HMMR: variants seen among roughly 807,000 people sequenced by gnomAD.
HMMR encodes hyaluronan mediated motility receptor, also known as intracellular hyaluronic acid-binding protein.
HMMR carries 108 observed loss-of-function variants against 101.0 expected under a neutral mutation model. That is an observed-to-expected ratio of 1.07 (90% CI 0.92 to 1.25). The LOEUF is 1.25. Ranked by LOEUF, HMMR falls within the 50% of genes most tolerant of loss-of-function variation. The pLI is 0.00. For missense variants in HMMR, 813 were observed against 788.7 expected, an observed-to-expected ratio of 1.03 and a Z score of -0.37; for synonymous variants, 296 against 276.4, an observed-to-expected ratio of 1.07 and a Z score of -0.70.
chr5:163,483,246 T>G lies in HMMR; in HGVS notation c.1686-22T>G, dbSNP rs148272255. On this transcript the variant is annotated intron_variant, in intron 14 of 17. Coordinates refer to ENST00000393915, the MANE Select transcript of HMMR (RefSeq NM_001142556.2). ...GATTTTTTAAATAACTATGTTTTTCTCAATTTAATTCTTCCATGCAGAAAA... is the reference window on the plus strand; with the variant it reads ...GATTTTTTAAATAACTATGTTTTTCGCAATTTAATTCTTCCATGCAGAAAA... 2.1e-4 allele frequency: 332 copies of G among 1,595,140 alleles called. No homozygotes were observed. In the African/African-American group the frequency reaches 4.2e-3, roughly 20 times the overall value.
chr5:163,489,276 A>G (rs949281904), intron 16 of HMMR: 1 of 152,266 alleles, frequency 6.6e-6, no homozygotes, highest in East Asian at 1.9e-4. Context: ...CGGGTTCCTA[A>G]CAGGCCTTGG....
chr5:163,490,792 A>G (rs993730519), intron 17 of HMMR, among the ~76,000 whole-genome samples: 1 of 152,148 alleles, frequency 6.6e-6, no homozygotes, highest in Non-Finnish European at 1.5e-5. Flanking sequence ...GAAGCTTTGC[A>G]TGACTATTTT....
intron 10 of HMMR, 137 bp downstream of exon 10, chr5:163,474,342 T>G (rs1327063888): frequency 1.5e-6 from 1 of 667,138 alleles, no homozygotes; most frequent in African/African-American, 1.8e-5. Context: ...GACATAATCA[T>G]GGATATGCTG....
chr5:163,480,440 A>G (rs558429476), intron 12 of HMMR, among the ~76,000 whole-genome samples: 1 of 152,264 alleles, frequency 6.6e-6, no homozygotes, highest in South Asian at 2.1e-4. Flanking sequence ...ATTTTATTGT[A>G]TGAATATACC....
rs3756648 is a variant in HMMR, at chr5:163,464,888, G to A, written c.225+86G>A. ...ATTGTATTTGATTAGAATGGGTTAA[G>A]TGTATGAATCAAGGTTATAAGTAAA... On this transcript the variant is annotated intron_variant, in intron 3 of 17. Transcript: ENST00000393915. 348,770 of 809,290 alleles carry A rather than the reference G, an allele frequency of 0.43. 78,685 individuals carry two copies. Among genetic ancestry groups the A allele is most frequent in the Non-Finnish European group, 0.49 (232,642 of 475,280 alleles). 50.1% of individuals were successfully genotyped at this position (809,290 alleles called of 1,614,324 possible).
intron 3 of HMMR, among the ~76,000 whole-genome samples, chr5:163,465,945 A>G (rs1457796187): frequency 7.0e-6 from 1 of 143,778 alleles, no homozygotes; most frequent in African/African-American, 2.7e-5. Context: ...TGGGCAACAG[A>G]GCGAGACTCA....
chr5:163,484,075 C>T lies in HMMR; in HGVS notation c.1792C>T (p.Leu598=), dbSNP rs1239446197. The change falls in exon 16 of 18, where the codon CTA becomes TTA. Residue 598 remains leucine (L), a synonymous_variant. Transcript: ENST00000393915. ...YNKTKPFQLQ[L]DAFEVEKQAL... is the part of the protein sequence containing the mutation. ...TTTAAAAAATCTTTTTCAGCTACAA[C>T]TAGATGCTTTTGAAGTAGAAAAACA... 1 of 1,582,718 alleles carries T rather than the reference C, an allele frequency of 6.3e-7. No individual in the cohort carries two copies. Among genetic ancestry groups the T allele is most frequent in the Admixed American group, 1.8e-5 (1 of 54,886 alleles).
At chr5:163,489,633 A>G (rs1465007685) in intron 16 of HMMR, among the ~76,000 whole-genome samples, 1 of 152,164 alleles carries the variant, frequency 6.6e-6, no homozygotes, top group African/African-American at 2.4e-5. Context: ...CTCATGAGCC[A>G]GAGAAAGAGT....
At chr5:163,484,825 A>G (rs1759417979) in intron 16 of HMMR, among the ~76,000 whole-genome samples, 1 of 151,884 alleles carries the variant, frequency 6.6e-6, no homozygotes, top group African/African-American at 2.4e-5. Flanking sequence ...GTCTCTGTTG[A>G]TTTCCCTATT....
chr5:163,473,204 G>T lies in HMMR; in HGVS notation c.676G>T (p.Asp226Tyr). ...TGTTTCAATAGAGAAAGAAAAGATT[G>T]ATGAAAAATCTGAAACAGAAAAACT... Reference protein sequence around the residue: ...KLVSIEKEKIDEKSETEKLLE... With the variant: ...KLVSIEKEKIYEKSETEKLLE... The change falls in exon 8 of 18, where the codon GAT becomes TAT. Residue 226 changes from aspartate (D) to tyrosine (Y), a missense_variant. Physicochemically the swap from Asp to Tyr is radical, Grantham distance 160 (BLOSUM62 -3). Transcript: ENST00000393915. The T allele has an allele frequency of 6.4e-7, 1 of 1,561,858 alleles. No homozygotes were observed. The highest frequency in any genetic ancestry group is 1.1e-5 in the South Asian group (1 of 89,176).
At chr5:163,485,913 C>T (rs1467327554) in intron 16 of HMMR, among the ~76,000 whole-genome samples, 1 of 152,172 alleles carries the variant, frequency 6.6e-6, no homozygotes, top group Middle Eastern at 3.2e-3. Flanking sequence ...ATATTCTTGC[C>T]TCCAGTTAAT....
rs745656167 is a variant in HMMR at position 163,478,793 on chromosome 5, T to C, written c.1378T>C (p.Phe460Leu). The C allele has an allele frequency of 2.5e-5, 40 of 1,574,280 alleles. 2 individuals are homozygous for C. The South Asian group carries it at 4.3e-4, about 17-fold the overall frequency. Residue 460 changes from phenylalanine to leucine, a missense_variant, in exon 12 of 18, where the codon TTT (phenylalanine) becomes CTT (leucine). Coordinates refer to ENST00000393915, the MANE Select transcript of HMMR (RefSeq NM_001142556.2). Reference sequence around the variant, plus strand: ...AAGCCTTGAAGATGTTACTGCTCAATTTGAAAGGTATTTTTCTTGGGAGCC... The same window carrying C: ...AAGCCTTGAAGATGTTACTGCTCAACTTGAAAGGTATTTTTCTTGGGAGCC... ...VQSLEDVTAQFESYKALTASE... is the reference protein window; with the variant it reads ...VQSLEDVTAQLESYKALTASE...
Position 163,473,220 on chromosome 5 carries a change from CAG to C in HMMR, c.694_695del (p.Glu232LysfsTer10), listed in dbSNP as rs1464913637. On this transcript the variant is annotated frameshift_variant, in exon 8 of 18. Coordinates refer to ENST00000393915, the MANE Select transcript of HMMR (RefSeq NM_001142556.2). LOFTEE classifies it high-confidence loss of function. Reference sequence around the variant, plus strand: ...GAAAAGATTGATGAAAAATCTGAAACAGAAAAACTCTTGGAATACATCGAAGA... The same window carrying C: ...GAAAAGATTGATGAAAAATCTGAAACAAAAACTCTTGGAATACATCGAAGA... 4 of 1,576,542 alleles carry C rather than the reference CAG, an allele frequency of 2.5e-6. No homozygotes were observed. Among genetic ancestry groups the C allele is most frequent in the African/African-American group, 2.7e-5 (2 of 73,814 alleles).
chr5:163,462,112 A>G (rs1758560264), intron 1 of HMMR, among the ~76,000 whole-genome samples: 1 of 152,182 alleles, frequency 6.6e-6, no homozygotes, highest in Non-Finnish European at 1.5e-5. Context: ...CTCAAGGACC[A>G]TATGATTTCC....
chr5:163,487,789 T>G (rs1561648219), intron 16 of HMMR, among the ~76,000 whole-genome samples: 1 of 151,696 alleles, frequency 6.6e-6, no homozygotes, highest in Non-Finnish European at 1.5e-5. Flanking sequence ...GTAATTTGAG[T>G]CTTTTTTTTT....
intron 8 of HMMR, 54 bp from the exon 9 acceptor site, chr5:163,473,325 A>AT (rs1346860086): frequency 1.3e-6 from 2 of 1,526,242 alleles, no homozygotes; most frequent in African/African-American, 2.8e-5. Context: ...TTTTTCTGTT[A>AT]TTTTCCCTGT....
At chr5:163,467,158 A>G (rs1193315514) in intron 3 of HMMR, among the ~76,000 whole-genome samples, 1 of 152,208 alleles carries the variant, frequency 6.6e-6, no homozygotes, top group African/African-American at 2.4e-5. Context: ...GATGGAAAAG[A>G]TATTCTTTTT....
chr5:163,483,824 A>G (rs181085379), intron 15 of HMMR, among the ~76,000 whole-genome samples: 2 of 152,252 alleles, frequency 1.3e-5, no homozygotes, highest in East Asian at 1.9e-4. Context: ...AATCTAACTG[A>G]TACAGATAAA....
chr5:163,472,407 T>C lies in HMMR; in HGVS notation c.651-772T>C, dbSNP rs866056732. Among the ~76,000 whole-genome samples the C allele has an allele frequency of 2.0e-5, 3 of 152,236 alleles. No homozygotes were observed. In the East Asian group the frequency reaches 5.8e-4, roughly 29 times the overall value. ...CAGTGTCTGCCATTAAAAAGACTGC[T>C]GTGAACATGTTTTATGTTTTTTTAT... On this transcript the variant is annotated intron_variant, in intron 7 of 17. Transcript: ENST00000393915.
Sources: allele counts gnomAD v4.1 joint callset (sites outside exome capture counted in the v4.1 genomes callset), GRCh38; gene constraint gnomAD v4.1.1; transcripts MANE v1.5; gene names NCBI Gene and HGNC (gene_info 2026-07-23, HGNC 2026-07-21).